The following COL22A1 variants were observed in gnomAD, a reference collection of about 807,000 sequenced individuals.
The protein encoded by COL22A1 is collagen alpha-1(XXII) chain.
In COL22A1, 221 loss-of-function variants were observed where a neutral mutation model predicts 248.9. That is an observed-to-expected ratio of 0.89 (90% confidence interval 0.80 to 0.99). The LOEUF is 0.99. COL22A1 is among the 50% of genes least tolerant of loss of function. COL22A1 has a pLI of 0.00. For missense variants in COL22A1, 2,240 were observed against 2,179.0 expected, an observed-to-expected ratio of 1.03 and a Z score of -0.56; for synonymous variants, 891 against 793.4, an observed-to-expected ratio of 1.12 and a Z score of -2.07.
At chr8:138,868,503 T>C in intron 3 of COL22A1, among the ~76,000 whole-genome samples, 1 of 152,168 alleles carries the variant, frequency 6.6e-6, no homozygotes, top group East Asian at 1.9e-4. Flanking sequence ...ATAATAATAA[T>C]TTAAAAGTTA....
intron 4 of COL22A1, among the ~76,000 whole-genome samples, chr8:138,839,744 C>A (rs925727670): frequency 1.3e-5 from 2 of 152,138 alleles, no homozygotes; most frequent in African/African-American, 4.8e-5. Context: ...GAGAGACATC[C>A]AGGATGTCTG....
At chr8:138,794,985 G>A (rs1816376415) in intron 12 of COL22A1, among the ~76,000 whole-genome samples, 1 of 152,070 alleles carries the variant, frequency 6.6e-6, no homozygotes, top group East Asian at 1.9e-4. Flanking sequence ...GATCTGCTGT[G>A]CCACACCGTG....
At chr8:138,724,373 C>T (rs1830134942) in intron 25 of COL22A1, among the ~76,000 whole-genome samples, 1 of 152,194 alleles carries the variant, frequency 6.6e-6, no homozygotes, top group African/African-American at 2.4e-5. Context: ...GGCCTAGGGA[C>T]TGTGGTCCTA....
At chr8:138,837,035 G>A (rs75962041) in intron 4 of COL22A1, among the ~76,000 whole-genome samples, 3,517 of 152,258 alleles carry the variant, frequency 0.023, 75 homozygotes, top group African/African-American at 0.055. Flanking sequence ...GCCTGTTTCC[G>A]TAACTGGAAA....
At chr8:138,696,314 T>A (rs1159110078) in intron 32 of COL22A1, among the ~76,000 whole-genome samples, 1 of 152,178 alleles carries the variant, frequency 6.6e-6, no homozygotes, top group Non-Finnish European at 1.5e-5. Context: ...AGAGCTGGGA[T>A]GAGCATCTGC....
intron 12 of COL22A1, among the ~76,000 whole-genome samples, chr8:138,790,006 A>G (rs925065524): frequency 6.6e-6 from 1 of 152,200 alleles, no homozygotes; most frequent in African/African-American, 2.4e-5. Context: ...GCCTTCAGGG[A>G]GAACTTAAAA....
intron 60 of COL22A1, 76 bp downstream of exon 60, chr8:138,602,039 G>A (rs1241070436): frequency 2.0e-6 from 3 of 1,528,386 alleles, no homozygotes; most frequent in East Asian, 4.5e-5. Flanking sequence ...TTGGACAAAG[G>A]CCAGGCTCAA....
chr8:138,784,713 C>T (rs1456551771), intron 12 of COL22A1, among the ~76,000 whole-genome samples: 1 of 152,172 alleles, frequency 6.6e-6, no homozygotes, highest in Non-Finnish European at 1.5e-5. Flanking sequence ...GCACTGAGCA[C>T]TTTACATCCA....
intron 4 of COL22A1, among the ~76,000 whole-genome samples, chr8:138,836,835 C>T (rs1820471196): frequency 6.6e-6 from 1 of 152,190 alleles, no homozygotes; most frequent in Non-Finnish European, 1.5e-5. Context: ...AGTGAAGAAT[C>T]CCTCCGTTCA....
chr8:138,617,811 G>A (rs1175304994), intron 53 of COL22A1, among the ~76,000 whole-genome samples: 2 of 152,128 alleles, frequency 1.3e-5, no homozygotes, highest in Non-Finnish European at 2.9e-5. Context: ...CTCTTCTCTG[G>A]AACTCAGTTT....
At chr8:138,867,187 A>G (rs1222610039) in intron 3 of COL22A1, among the ~76,000 whole-genome samples, 1 of 152,262 alleles carries the variant, frequency 6.6e-6, no homozygotes, top group Admixed American at 6.5e-5. Context: ...GTTGTGGTCC[A>G]GTAACACAAT....
rs761936657 is a variant in COL22A1, at chr8:138,878,158, C to T, written c.250G>A (p.Asp84Asn). ...RTRVGVVRYS[D>N]RPTTAFELGL... ...AACTCGAAGGCCGTGGTGGGCCGGT[C>T]GCTGTAGCGCACGACCCCCACACGG... Residue 84 changes from aspartate (D) to asparagine (N), a missense_variant, in exon 3 of 65, where the codon GAC (aspartate) becomes AAC (asparagine). Transcript: ENST00000303045. The T allele has an allele frequency of 2.5e-5, 40 of 1,604,962 alleles. No homozygotes were observed. In the African/African-American group the frequency reaches 4.3e-4, roughly 17 times the overall value.
At position 138,893,393 on chromosome 8, in the gene COL22A1, G is replaced by A. The variant is rs1240723597; in HGVS notation, c.-72-10149C>T. 2.6e-5 allele frequency among the ~76,000 whole-genome samples: 4 copies of A among 152,194 alleles called. No homozygotes were observed. In the South Asian group the frequency reaches 6.2e-4, roughly 24 times the overall value. On this transcript the variant is annotated intron_variant, in intron 1 of 64. Coordinates refer to ENST00000303045, the MANE Select transcript of COL22A1 (RefSeq NM_152888.3). Reference sequence around the variant, plus strand: ...ATGTCAACTCTTTGATGTATGAAGTGGGGATTAAAACACTTATCTCACAGG... The same window carrying A: ...ATGTCAACTCTTTGATGTATGAAGTAGGGATTAAAACACTTATCTCACAGG...
At position 138,684,425 on chromosome 8, in the gene COL22A1, C is replaced by G. The variant is rs546367335; in HGVS notation, c.3012G>C (p.Lys1004Asn). ...ACAGTTTTCTTGGACAAGCACTCAC[C>G]TTGGTTCCTAGGGGTCCAGGGAGTC... ...SPGLPGPLGT[K>N]AACGKVRGSE... The change falls in exon 39 of 65, where the codon AAG becomes AAC. Residue 1004 changes from lysine (K) to asparagine (N), a missense_variant and splice_region_variant. Coordinates refer to ENST00000303045, the MANE Select transcript of COL22A1 (RefSeq NM_152888.3). The G allele has an allele frequency of 1.9e-6, 3 of 1,608,060 alleles. No homozygotes were observed. The highest frequency in any genetic ancestry group is 2.7e-5 in the African/African-American group (2 of 74,744).
At chr8:138,851,137 C>A (rs910740139) in intron 3 of COL22A1, among the ~76,000 whole-genome samples, 2 of 152,176 alleles carry the variant, frequency 1.3e-5, no homozygotes, top group Non-Finnish European at 1.5e-5. Context: ...AATATGCCTG[C>A]AACGTGATGG....
Position 138,722,059 on chromosome 8 carries a change from G to A in COL22A1, c.2278C>T (p.Pro760Ser). ...ACCTTGGTTCCTGGCGGACCTGGTG[G>A]TCCATTTGGCCCGTCCTTTCCAGGG... Reference protein sequence around the residue: ...GPPGKDGPNGPPGPPGTKGEP... With the variant: ...GPPGKDGPNGSPGPPGTKGEP... The change falls in exon 26 of 65, where the codon CCA (proline) becomes TCA (serine). Residue 760 changes from proline to serine, a missense_variant. Pro to Ser is a moderately conservative substitution (Grantham distance 74, BLOSUM62 -1). Transcript: ENST00000303045. 1 of 1,582,316 alleles carries A rather than the reference G, an allele frequency of 6.3e-7. No homozygotes were observed. The highest frequency in any genetic ancestry group is 1.2e-5 in the South Asian group (1 of 86,434).
At chr8:138,639,141 A>T (rs1049883477) in intron 47 of COL22A1, among the ~76,000 whole-genome samples, 2 of 152,174 alleles carry the variant, frequency 1.3e-5, no homozygotes, top group African/African-American at 4.8e-5. Flanking sequence ...TCTCTTATTG[A>T]GCCAGTAAGT....
At chr8:138,867,019 C>T (rs1822947593) in intron 3 of COL22A1, among the ~76,000 whole-genome samples, 1 of 152,180 alleles carries the variant, frequency 6.6e-6, no homozygotes, top group Non-Finnish European at 1.5e-5. Context: ...ACTCCAGATT[C>T]TCAGTCATCA....
At chr8:138,684,856 G>A (rs556687017) in intron 38 of COL22A1, among the ~76,000 whole-genome samples, 1 of 152,310 alleles carries the variant, frequency 6.6e-6, no homozygotes, top group African/African-American at 2.4e-5. Context: ...TTCTACGTTT[G>A]GAAGTCTTGG....
Sources: gnomAD v4.1 joint callset for allele counts (sites outside exome capture counted in the v4.1 genomes callset) on GRCh38, gnomAD v4.1.1 for gene constraint, MANE v1.5 for transcripts, NCBI Gene and HGNC (gene_info 2026-07-23, HGNC 2026-07-21) for gene names.